The following MDH1B variants were observed in gnomAD, a reference collection of about 807,000 sequenced individuals.
The protein encoded by MDH1B is putative malate dehydrogenase 1B.
Under a neutral mutation model 61.4 loss-of-function variants are expected in MDH1B, and 60 were observed. The observed-to-expected ratio is 0.98, with a 90% CI of 0.79 to 1.21. The LOEUF is 1.21. Among genes scored for constraint, MDH1B ranks in the 50% most tolerant of loss-of-function variants. MDH1B has a pLI of 0.00. For synonymous variants in MDH1B, 236 were observed against 218.7 expected (o/e 1.08, Z -0.70); for missense variants, 587 against 632.1 (o/e 0.93, Z 0.76).
At chr2:206,762,358 A>C (rs543530030) in intron 1 of MDH1B, among the ~76,000 whole-genome samples, 1 of 152,100 alleles carries the variant, frequency 6.6e-6, no homozygotes, top group South Asian at 2.1e-4. Flanking sequence ...CTGTACTTGG[A>C]CTCATCCTTT....
At chr2:206,755,541 T>C (rs1440746353) in intron 4 of MDH1B, 36 bp from the exon 5 acceptor site, 1 of 1,578,898 alleles carries the variant, frequency 6.3e-7, no homozygotes, top group Non-Finnish European at 8.6e-7. Flanking sequence ...TGAATAGTTA[T>C]ATCCTTTGTC....
chr2:206,741,105 C>T lies in MDH1B; in HGVS notation c.1409-1G>A, dbSNP rs747359618. 6.2e-7 allele frequency: 1 copy of T among 1,612,354 alleles called. No homozygotes were observed. Among genetic ancestry groups the T allele is most frequent in the Admixed American group, 1.7e-5 (1 of 59,944 alleles). On this transcript the variant is annotated splice_acceptor_variant, in intron 9 of 11. Transcript: ENST00000374412. LOFTEE classifies it high-confidence loss of function. ...TCATCAGGGACCAGATCTTTATGTC[C>T]TGAAATCAAAATTAAATAAAACATG...
intron 1 of MDH1B, 66 bp downstream of exon 1, chr2:206,765,184 G>A: frequency 6.4e-7 from 1 of 1,572,346 alleles, no homozygotes; most frequent in East Asian, 2.4e-5. Context: ...CAAGCCGAGC[G>A]GCCATGGGAG....
chr2:206,744,480 T>C (rs189211146), intron 9 of MDH1B, among the ~76,000 whole-genome samples: 2 of 152,324 alleles, frequency 1.3e-5, no homozygotes, highest in East Asian at 3.9e-4. Flanking sequence ...GAGATCATCT[T>C]TAAGGCAAAG....
intron 5 of MDH1B, among the ~76,000 whole-genome samples, chr2:206,753,731 T>C (rs1178286224): frequency 6.6e-6 from 1 of 152,198 alleles, no homozygotes; most frequent in Non-Finnish European, 1.5e-5. Context: ...AATGCCTTTT[T>C]CCTTTTACCA....
At position 206,756,179 on chromosome 2, in the gene MDH1B, T is replaced by C. The variant is rs10177501; in HGVS notation, c.414-674A>G. Among the ~76,000 whole-genome samples the C allele has an allele frequency of 3.5e-3, 530 of 152,304 alleles. 6 individuals carry two copies. Among genetic ancestry groups the C allele is most frequent in the African/African-American group, 0.012 (513 of 41,560 alleles). On this transcript the variant is annotated intron_variant, in intron 4 of 11. Coordinates refer to ENST00000374412, the MANE Select transcript of MDH1B (RefSeq NM_001039845.3). ...ACAGTATCTGTACCGATTTAATCCT[T>C]TGAAACATCTAAAGAAGATGTGATA...
In MDH1B at chr2:206,765,259, C is replaced by G; in HGVS notation, c.13G>C (p.Val5Leu). ...CGCGGGGATCACTCACCCGCGATGACGAATTTGGCCATGGTCGAGAGAGAC... is the reference window on the plus strand; with the variant it reads ...CGCGGGGATCACTCACCCGCGATGAGGAATTTGGCCATGGTCGAGAGAGAC... MAKF[V>L]IAGRADCPYY... Residue 5 changes from valine (V) to leucine (L), a missense_variant, in exon 1 of 12, where the codon GTC (valine) becomes CTC (leucine). Transcript: ENST00000374412. 6.2e-7 allele frequency: 1 copy of G among 1,601,988 alleles called. No homozygotes were observed.
intron 4 of MDH1B, 50 bp downstream of exon 4, chr2:206,756,848 T>A (rs1688787564): frequency 1.3e-6 from 2 of 1,597,492 alleles, no homozygotes; most frequent in Non-Finnish European, 1.7e-6. Flanking sequence ...CATTGTCCTT[T>A]CTAAATATAA....
At chr2:206,747,033 A>C (rs1255307113) in intron 7 of MDH1B, among the ~76,000 whole-genome samples, 1 of 152,186 alleles carries the variant, frequency 6.6e-6, no homozygotes, top group Admixed American at 6.5e-5. Flanking sequence ...GCTCTAAATA[A>C]AAAGATTGAC....
At chr2:206,754,666 C>T (rs1262959914) in intron 5 of MDH1B, among the ~76,000 whole-genome samples, 4 of 152,132 alleles carry the variant, frequency 2.6e-5, no homozygotes, top group Admixed American at 6.5e-5. Flanking sequence ...GGCAGAGCCA[C>T]TTGCACATAG....
At chr2:206,746,526 T>G in intron 7 of MDH1B, 100 bp from the exon 8 acceptor site, 1 of 1,250,576 alleles carries the variant, frequency 8.0e-7, no homozygotes. Context: ...AGTATAGGAT[T>G]TTTAATGATA....
intron 1 of MDH1B, among the ~76,000 whole-genome samples, chr2:206,764,925 C>T (rs1689345754): frequency 6.6e-6 from 1 of 152,198 alleles, no homozygotes; most frequent in Non-Finnish European, 1.5e-5. Flanking sequence ...ACCTCTCCCT[C>T]ATCCCCCAAA....
chr2:206,742,319 G>C (rs1381323018), intron 9 of MDH1B, among the ~76,000 whole-genome samples: 4 of 152,212 alleles, frequency 2.6e-5, no homozygotes, highest in Admixed American at 6.5e-5. Flanking sequence ...GGAAAAGAAT[G>C]GGATGCTGCA....
intron 2 of MDH1B, among the ~76,000 whole-genome samples, chr2:206,760,110 A>C (rs1215716851): frequency 6.6e-6 from 1 of 152,186 alleles, no homozygotes; most frequent in East Asian, 1.9e-4. Context: ...TCCAAAAGGC[A>C]CAACAGGTGA....
chr2:206,748,892 G>T, intron 7 of MDH1B, 128 bp downstream of exon 7: 1 of 708,266 alleles, frequency 1.4e-6, no homozygotes, highest in Non-Finnish European at 2.3e-6. Context: ...GAATGAGTAT[G>T]AAATTGTAAA....
chr2:206,757,260 T>C lies in MDH1B; in HGVS notation c.247A>G (p.Asn83Asp). 1.2e-6 allele frequency: 2 copies of C among 1,613,958 alleles called. No homozygotes were observed. Among genetic ancestry groups the C allele is most frequent in the Non-Finnish European group, 1.7e-6 (2 of 1,179,852 alleles). ...GGKGLLLGGY[N>D]EFLEHAQLYY... ...ACCTGAGCATGCTCCAGGAACTCAT[T>C]ATATCCTCCCAAAAGCAAACCCTTT... Residue 83 changes from asparagine (N) to aspartate (D), a missense_variant, in exon 3 of 12, where the codon AAT becomes GAT. Coordinates refer to ENST00000374412, the MANE Select transcript of MDH1B (RefSeq NM_001039845.3).
Position 206,755,998 on chromosome 2 carries a change from G to C in MDH1B, c.414-493C>G, listed in dbSNP as rs373804880. Among the ~76,000 whole-genome samples, 10 of 151,762 alleles carry C rather than the reference G, an allele frequency of 6.6e-5. No individual in the cohort carries two copies. The East Asian group carries it at 1.9e-3, about 29-fold the overall frequency. ...TACAAAGATGGTGGGATCAACATAG[G>C]CTATGTAAGGTGTATCTGTAGCCAC... On this transcript the variant is annotated intron_variant, in intron 4 of 11. Coordinates refer to ENST00000374412, the MANE Select transcript of MDH1B (RefSeq NM_001039845.3).
chr2:206,740,459 G>A (rs1179026771), intron 10 of MDH1B, among the ~76,000 whole-genome samples: 1 of 152,234 alleles, frequency 6.6e-6, no homozygotes, highest in East Asian at 1.9e-4. Flanking sequence ...AGGAGCAGGA[G>A]GAAGAGGAGG....
At chr2:206,762,014 T>C (rs964771243) in intron 1 of MDH1B, among the ~76,000 whole-genome samples, 5 of 152,156 alleles carry the variant, frequency 3.3e-5, no homozygotes, top group African/African-American at 4.8e-5. Context: ...GCCTTTTCTG[T>C]AGCTGGGTCC....
Sources: allele counts gnomAD v4.1 joint callset (sites outside exome capture counted in the v4.1 genomes callset), GRCh38; gene constraint gnomAD v4.1.1; transcripts MANE v1.5; gene names NCBI Gene and HGNC (gene_info 2026-07-23, HGNC 2026-07-21).